Variants in DMRT1 observed in about 807,000 individuals in gnomAD.
DMRT1 encodes the protein doublesex- and mab-3-related transcription factor 1.
In DMRT1, 7 loss-of-function variants were observed where a neutral mutation model predicts 32.3. The ratio of observed to expected loss-of-function variants is 0.22; its 90% CI spans 0.12 to 0.41. The LOEUF (loss-of-function observed/expected upper bound fraction) is 0.41, where lower values mean the gene tolerates loss of function less well. DMRT1 is among the 10% of genes least tolerant of loss of function. The pLI is 1.00. For synonymous variants in DMRT1, 278 were observed against 206.1 expected (o/e 1.35, Z -2.99); for missense variants, 625 against 500.5 (o/e 1.25, Z -2.37).
rs141672484 is a variant in DMRT1 at position 916,850 on chromosome 9, G to A, written c.910G>A (p.Val304Met). The change falls in exon 4 of 5, where the codon GTG (valine) becomes ATG (methionine). Residue 304 changes from valine (V) to methionine (M), a missense_variant. Transcript: ENST00000382276. Reference protein sequence around the residue: ...YPPPSYLGQSVPQFFTFEDAP... With the variant: ...YPPPSYLGQSMPQFFTFEDAP... ...GCCTCCCTCTTACCTGGGCCAGAGC[G>A]TGCCCCAGTTCTTCACTTTTGAGGA... The A allele has an allele frequency of 5.4e-5, 87 of 1,614,150 alleles. No individual in the cohort carries two copies. In the African/African-American group the frequency reaches 8.1e-4, roughly 15 times the overall value.
chr9:876,725 C>G (rs1816516308), intron 2 of DMRT1, among the ~76,000 whole-genome samples: 1 of 152,066 alleles, frequency 6.6e-6, no homozygotes, highest in African/African-American at 2.4e-5. Context: ...GAGATGGGGT[C>G]TCGCCATGTT....
At chr9:955,150 C>T (rs576057674) in intron 4 of DMRT1, among the ~76,000 whole-genome samples, 8 of 152,082 alleles carry the variant, frequency 5.3e-5, no homozygotes, top group Non-Finnish European at 8.8e-5. Context: ...AAGGAGAGTA[C>T]TGTGGCCTGA....
intron 2 of DMRT1, among the ~76,000 whole-genome samples, chr9:886,160 T>C (rs1188365599): frequency 6.6e-6 from 1 of 152,236 alleles, no homozygotes; most frequent in Non-Finnish European, 1.5e-5. Flanking sequence ...ACACAAGCCA[T>C]GGAGACTGGC....
In DMRT1 at chr9:950,255, G is replaced by C. The variant is rs191877985; in HGVS notation, c.968-17730G>C. Among the ~76,000 whole-genome samples, 16 of 152,188 alleles carry C rather than the reference G, an allele frequency of 1.1e-4. No individual in the cohort carries two copies. In the East Asian group the frequency reaches 3.1e-3, roughly 29 times the overall value. ...AGCTGTCTTTTTGCAGCAAAATCAT[G>C]ATTATCTAGAGAGATACTTGGGCAA... On this transcript the variant is annotated intron_variant, in intron 4 of 4. Coordinates refer to ENST00000382276, the MANE Select transcript of DMRT1 (RefSeq NM_021951.3).
Position 882,326 on chromosome 9 carries a change from C to T in DMRT1, c.539-11586C>T, listed in dbSNP as rs146494628. 1.3e-4 allele frequency among the ~76,000 whole-genome samples: 20 copies of T among 152,318 alleles called. 1 individual carries two copies. The East Asian group carries it at 3.9e-3, about 29-fold the overall frequency. ...TTCTCCTCCTGCAGTGGACCCTGTGCTCTACCTGCTCTGCAGGCTCTTCTC... is the reference window on the plus strand; with the variant it reads ...TTCTCCTCCTGCAGTGGACCCTGTGTTCTACCTGCTCTGCAGGCTCTTCTC... On this transcript the variant is annotated intron_variant, in intron 2 of 4. Transcript: ENST00000382276.
intron 2 of DMRT1, among the ~76,000 whole-genome samples, chr9:862,575 G>T (rs1025067445): frequency 6.6e-6 from 1 of 152,126 alleles, no homozygotes; most frequent in Non-Finnish European, 1.5e-5. Flanking sequence ...CTCTGCTCTT[G>T]TGTGGTGGTG....
At chr9:926,599 T>C (rs909124875) in intron 4 of DMRT1, among the ~76,000 whole-genome samples, 2 of 152,162 alleles carry the variant, frequency 1.3e-5, no homozygotes, top group African/African-American at 4.8e-5. Context: ...CTTTAATTTA[T>C]TCTGTAAAAG....
At chr9:862,275 A>T (rs950615182) in intron 2 of DMRT1, among the ~76,000 whole-genome samples, 1 of 152,176 alleles carries the variant, frequency 6.6e-6, no homozygotes, top group African/African-American at 2.4e-5. Context: ...CGAGGCTGGC[A>T]GACCACTCGC....
chr9:912,736 A>G (rs1818033012), intron 3 of DMRT1, among the ~76,000 whole-genome samples: 1 of 152,070 alleles, frequency 6.6e-6, no homozygotes, highest in Admixed American at 6.5e-5. Flanking sequence ...TCCAAGGTAT[A>G]TGGACGATAT....
At chr9:950,390 C>G (rs1404773070) in intron 4 of DMRT1, among the ~76,000 whole-genome samples, 1 of 152,068 alleles carries the variant, frequency 6.6e-6, no homozygotes, top group African/African-American at 2.4e-5. Context: ...GCACTGTGGT[C>G]TCTTGTGAAC....
At chr9:957,748 G>A (rs536704306) in intron 4 of DMRT1, among the ~76,000 whole-genome samples, 38 of 152,296 alleles carry the variant, frequency 2.5e-4, no homozygotes, top group African/African-American at 8.7e-4. Flanking sequence ...AGTGGCTCGC[G>A]CCTGTAATCC....
intron 4 of DMRT1, among the ~76,000 whole-genome samples, chr9:923,631 C>A (rs991969410): frequency 5.9e-5 from 9 of 152,112 alleles, no homozygotes; most frequent in Non-Finnish European, 1.0e-4. Flanking sequence ...AGAACGATGC[C>A]TTTGAAATGT....
intron 4 of DMRT1, among the ~76,000 whole-genome samples, chr9:936,832 A>G (rs1292065405): frequency 6.6e-6 from 1 of 152,038 alleles, no homozygotes; most frequent in East Asian, 1.9e-4. Context: ...TGTGTTAAAT[A>G]TACATAACAT....
chr9:947,858 A>G (rs1324726997), intron 4 of DMRT1, among the ~76,000 whole-genome samples: 1 of 152,186 alleles, frequency 6.6e-6, no homozygotes, highest in Non-Finnish European at 1.5e-5. Context: ...CGCTGGAGTC[A>G]TAGATCTCAG....
At chr9:851,621 C>G (rs898228853) in intron 2 of DMRT1, among the ~76,000 whole-genome samples, 2 of 152,144 alleles carry the variant, frequency 1.3e-5, no homozygotes, top group African/African-American at 2.4e-5. Flanking sequence ...GAGAAATGCT[C>G]AAGAATTATT....
At chr9:932,823 G>T (rs1002168492) in intron 4 of DMRT1, among the ~76,000 whole-genome samples, 2 of 151,958 alleles carry the variant, frequency 1.3e-5, no homozygotes, top group Non-Finnish European at 2.9e-5. Context: ...ACTCTAAGCA[G>T]TTTTTTTTAA....
intron 4 of DMRT1, among the ~76,000 whole-genome samples, chr9:948,463 C>T (rs968264866): frequency 6.6e-6 from 1 of 152,034 alleles, no homozygotes; most frequent in African/African-American, 2.4e-5. Flanking sequence ...CCTATGATTC[C>T]ATTTCAGACT....
At chr9:883,627 CAAAAAAA>C (rs781000476) in intron 2 of DMRT1, among the ~76,000 whole-genome samples, 1 of 97,084 alleles carries the variant, frequency 1.0e-5, no homozygotes, top group African/African-American at 3.8e-5. Context: ...CCTGTCTCTA[CAAAAAAA>C]AAAAAAAAAT....
rs771001872 is a variant in DMRT1 at position 905,643 on chromosome 9, G to A, written c.823-11120G>A. Among the ~76,000 whole-genome samples the A allele has an allele frequency of 3.1e-4, 47 of 152,132 alleles. 1 individual carries two copies. Among genetic ancestry groups the A allele is most frequent in the African/African-American group, 6.0e-4 (25 of 41,428 alleles). Reference sequence around the variant, plus strand: ...GAGGAGTCTTTCATTGCGGTGCCCCGTTCTCCCGTTGACAGAAGCAGGTGG... The same window carrying A: ...GAGGAGTCTTTCATTGCGGTGCCCCATTCTCCCGTTGACAGAAGCAGGTGG... On this transcript the variant is annotated intron_variant, in intron 3 of 4. Coordinates refer to ENST00000382276, the MANE Select transcript of DMRT1 (RefSeq NM_021951.3).
Sources: allele counts gnomAD v4.1 joint callset (sites outside exome capture counted in the v4.1 genomes callset), GRCh38; gene constraint gnomAD v4.1.1; transcripts MANE v1.5; gene names NCBI Gene and HGNC (gene_info 2026-07-23, HGNC 2026-07-21).